Variants in SPSB4 observed in about 807,000 individuals in gnomAD.
SPSB4 encodes SPRY domain-containing SOCS box protein 4.
In SPSB4, 21 loss-of-function variants were observed where a neutral mutation model predicts 20.9. The observed-to-expected ratio is 1.01, with a 90% CI of 0.71 to 1.45. The LOEUF is 1.45. Among genes scored for constraint, SPSB4 ranks in the 40% most tolerant of loss-of-function variants. The pLI, the probability that SPSB4 is intolerant of heterozygous loss-of-function variation, is 0.00. For synonymous variants in SPSB4, 207 were observed against 183.8 expected (o/e 1.13, Z -1.02); for missense variants, 399 against 399.2 (o/e 1.00, Z 0.00).
intron 2 of SPSB4, among the ~76,000 whole-genome samples, chr3:141,072,396 G>T (rs1938024592): frequency 2.0e-5 from 3 of 152,202 alleles, no homozygotes; most frequent in Admixed American, 6.5e-5. Context: ...GGAGGTGGGG[G>T]TTGGTGGGAG....
chr3:141,084,697 G>C (rs1365631), intron 2 of SPSB4, among the ~76,000 whole-genome samples: 17,110 of 152,224 alleles, frequency 0.11, 1,085 homozygotes, highest in Middle Eastern at 0.15. Flanking sequence ...TGGACCAATA[G>C]ACCAAGCTGG....
intron 2 of SPSB4, among the ~76,000 whole-genome samples, chr3:141,140,002 G>C (rs557652542): frequency 6.6e-6 from 1 of 152,120 alleles, no homozygotes; most frequent in South Asian, 2.1e-4. Context: ...TTTTCACATA[G>C]TCCCATATTT....
chr3:141,140,373 G>T (rs932976447), intron 2 of SPSB4, among the ~76,000 whole-genome samples: 6 of 152,178 alleles, frequency 3.9e-5, no homozygotes, highest in African/African-American at 1.2e-4. Flanking sequence ...TCCGTTGCTG[G>T]TGAGGAGCTG....
chr3:141,142,569 G>A (rs1939347628), intron 2 of SPSB4, among the ~76,000 whole-genome samples: 2 of 151,948 alleles, frequency 1.3e-5, no homozygotes, highest in African/African-American at 4.8e-5. Flanking sequence ...TTTGTTCTAG[G>A]GTATAGTTGA....
Position 141,066,362 on chromosome 3 carries a change from C to T in SPSB4, c.258C>T (p.Gly86=). The T allele has an allele frequency of 2.6e-6, 4 of 1,557,162 alleles. No homozygotes were observed. The highest frequency in any genetic ancestry group is 3.5e-6 in the Non-Finnish European group (4 of 1,152,860). ...HRHPVAQSTD[G]IRGKVGHARG... is the part of the protein sequence containing the mutation. ...ACCCCGTGGCCCAGAGCACCGACGG[C>T]ATCCGCGGCAAGGTGGGCCACGCCC... Residue 86 remains glycine (G), a synonymous_variant, in exon 2 of 3, where the codon GGC becomes GGT. Transcript: ENST00000310546.
At chr3:141,074,610 G>T (rs1045912032) in intron 2 of SPSB4, among the ~76,000 whole-genome samples, 1 of 152,128 alleles carries the variant, frequency 6.6e-6, no homozygotes, top group Non-Finnish European at 1.5e-5. Context: ...CCCTGTGAGC[G>T]GTTTCCGGCT....
chr3:141,109,793 ATTTTATTT>A (rs1938763433), intron 2 of SPSB4, among the ~76,000 whole-genome samples: 1 of 152,010 alleles, frequency 6.6e-6, no homozygotes, highest in Admixed American at 6.5e-5. Context: ...CCTTCCAGGT[ATTTTATTT>A]TGAGCCCCAA....
At chr3:141,102,193 G>C (rs912440142) in intron 2 of SPSB4, among the ~76,000 whole-genome samples, 17 of 152,362 alleles carry the variant, frequency 1.1e-4, no homozygotes, top group African/African-American at 3.8e-4. Flanking sequence ...AGTGTGGATA[G>C]AGCTGGAGTG....
At chr3:141,145,072 T>C (rs1315255478) in intron 2 of SPSB4, among the ~76,000 whole-genome samples, 1 of 152,124 alleles carries the variant, frequency 6.6e-6, no homozygotes, top group Non-Finnish European at 1.5e-5. Context: ...CTTCTGCACC[T>C]GGAAAATAGG....
rs775252348 is a variant in SPSB4 at position 141,147,319 on chromosome 3, C to T, written c.*50C>T. The T allele has an allele frequency of 1.9e-6, 3 of 1,607,998 alleles. No individual in the cohort carries two copies. Among genetic ancestry groups the T allele is most frequent in the Admixed American group, 1.7e-5 (1 of 59,880 alleles). On this transcript the variant is annotated 3_prime_UTR_variant, in exon 3 of 3. Coordinates refer to ENST00000310546, the MANE Select transcript of SPSB4 (RefSeq NM_080862.3). ...CACAGACACACACCGCAGGGCCCGA[C>T]CCTCCTGTCATTCACAGTCCCATGG...
At chr3:141,108,218 T>C (rs1048401187) in intron 2 of SPSB4, among the ~76,000 whole-genome samples, 2 of 151,900 alleles carry the variant, frequency 1.3e-5, no homozygotes, top group African/African-American at 2.4e-5. Flanking sequence ...ACCACAGGGT[T>C]CCCAAGCAGG....
intron 1 of SPSB4, among the ~76,000 whole-genome samples, chr3:141,065,288 G>A (rs946451634): frequency 1.3e-5 from 2 of 152,042 alleles, no homozygotes; most frequent in Non-Finnish European, 2.9e-5. Flanking sequence ...ATCTTCCCAC[G>A]CTGCCTGATG....
At chr3:141,107,222 A>G (rs1266156983) in intron 2 of SPSB4, among the ~76,000 whole-genome samples, 4 of 152,234 alleles carry the variant, frequency 2.6e-5, no homozygotes, top group Non-Finnish European at 5.9e-5. Flanking sequence ...CGGATGCTGG[A>G]GGCAAAACCA....
At chr3:141,129,279 A>C (rs1939098255) in intron 2 of SPSB4, among the ~76,000 whole-genome samples, 1 of 152,204 alleles carries the variant, frequency 6.6e-6, no homozygotes, top group Non-Finnish European at 1.5e-5. Context: ...CCTCTCCCAA[A>C]GGCTGCCCTG....
intron 2 of SPSB4, among the ~76,000 whole-genome samples, chr3:141,092,451 T>C (rs893303593): frequency 2.0e-5 from 3 of 152,238 alleles, no homozygotes; most frequent in Non-Finnish European, 4.4e-5. Flanking sequence ...GAAGCATTCA[T>C]TAGAGCCGAC....
At chr3:141,135,389 A>G (rs1376344432) in intron 2 of SPSB4, among the ~76,000 whole-genome samples, 1 of 150,544 alleles carries the variant, frequency 6.6e-6, no homozygotes, top group African/African-American at 2.5e-5. Flanking sequence ...ATACATGTGC[A>G]CAACGTGCAG....
chr3:141,147,206 C>T lies in SPSB4; in HGVS notation c.759C>T (p.Arg253=). ...RSIRSALGRQ[R]LQDISSLPLP... ...TCCGCTCGGCCCTGGGCCGCCAGCG[C>T]CTGCAGGACATCAGCTCCCTGCCCC... Residue 253 remains arginine (R), a synonymous_variant, in exon 3 of 3, where the codon CGC becomes CGT. Transcript: ENST00000310546. 1 of 1,614,228 alleles carries T rather than the reference C, an allele frequency of 6.2e-7. No individual in the cohort carries two copies. Among genetic ancestry groups the T allele is most frequent in the Non-Finnish European group, 8.5e-7 (1 of 1,180,042 alleles).
At chr3:141,120,918 G>C (rs990142314) in intron 2 of SPSB4, among the ~76,000 whole-genome samples, 1 of 152,044 alleles carries the variant, frequency 6.6e-6, no homozygotes, top group Non-Finnish European at 1.5e-5. Flanking sequence ...TACATTTAAG[G>C]TTAGTATTGT....
intron 1 of SPSB4, among the ~76,000 whole-genome samples, chr3:141,060,027 A>G (rs1937730973): frequency 6.6e-6 from 1 of 152,220 alleles, no homozygotes. Context: ...ATTCATGGAC[A>G]TGAGCACTCT....
Sources: allele counts gnomAD v4.1 joint callset (sites outside exome capture counted in the v4.1 genomes callset), GRCh38; gene constraint gnomAD v4.1.1; transcripts MANE v1.5; gene names NCBI Gene and HGNC (gene_info 2026-07-23, HGNC 2026-07-21).